The following DAB1 variants were observed in gnomAD, a reference collection of about 807,000 sequenced individuals.
DAB1 encodes disabled homolog 1.
Under a neutral mutation model 64.6 loss-of-function variants are expected in DAB1, and 15 were observed. The ratio of observed to expected loss-of-function variants is 0.23; its 90% CI spans 0.16 to 0.36. The LOEUF (loss-of-function observed/expected upper bound fraction) is 0.36. DAB1 is among the 10% of genes least tolerant of loss of function. The probability of loss-of-function intolerance (pLI) is 1.00; values close to 1 mark genes in which losing one functional copy is unlikely to be tolerated. For missense variants in DAB1, 596 were observed against 706.7 expected (o/e 0.84, Z 1.78); for synonymous variants, 235 against 251.9 (o/e 0.93, Z 0.64).
At chr1:58,334,626 TATATTATATC>T (rs1354491616) in intron 4 of DAB1, among the ~76,000 whole-genome samples, 63 of 131,642 alleles carry the variant, frequency 4.8e-4, no homozygotes, top group African/African-American at 1.5e-3. Flanking sequence ...TATATTATAT[TATATTATATC>T]ATATCATATC....
intron 7 of DAB1, among the ~76,000 whole-genome samples, chr1:57,511,595 T>C (rs1413640184): frequency 1.3e-5 from 2 of 152,214 alleles, no homozygotes; most frequent in Non-Finnish European, 2.9e-5. Context: ...ATTTCCCTTG[T>C]TTTTTTCTTT....
intron 2 of DAB1, among the ~76,000 whole-genome samples, chr1:58,508,446 G>A (rs1241434499): frequency 6.6e-6 from 1 of 152,138 alleles, no homozygotes; most frequent in Non-Finnish European, 1.5e-5. Context: ...TAGGTGCAAT[G>A]CTTCTGCACC....
At chr1:57,480,070 T>G (rs1643995506) in intron 7 of DAB1, among the ~76,000 whole-genome samples, 1 of 148,576 alleles carries the variant, frequency 6.7e-6, no homozygotes. Flanking sequence ...GAGAATGGCG[T>G]GAACCCGGGA....
chr1:58,336,788 T>C, intron 4 of DAB1, among the ~76,000 whole-genome samples: 1 of 152,154 alleles, frequency 6.6e-6, no homozygotes, highest in East Asian at 1.9e-4. Context: ...TTTGATGCAT[T>C]AGCTCATTGG....
At chr1:57,837,123 C>G (rs1439734890) in intron 1 of DAB1, among the ~76,000 whole-genome samples, 1 of 152,212 alleles carries the variant, frequency 6.6e-6, no homozygotes, top group Non-Finnish European at 1.5e-5. Context: ...CAACAGTAGT[C>G]TCATAATGGG....
At chr1:57,576,025 C>A (rs1262876630) in intron 7 of DAB1, among the ~76,000 whole-genome samples, 1 of 152,098 alleles carries the variant, frequency 6.6e-6, no homozygotes, top group Non-Finnish European at 1.5e-5. Context: ...CAGGCAGTCC[C>A]CAACTTAAAA....
rs1644648359 is a variant in DAB1 at position 58,409,656 on chromosome 1, G to C, written n.258-66253C>G. Among the ~76,000 whole-genome samples, 4 of 152,192 alleles carry C rather than the reference G, an allele frequency of 2.6e-5. 1 individual carries two copies. The South Asian group carries it at 8.3e-4, about 32-fold the overall frequency. On this transcript the variant is annotated intron_variant and non_coding_transcript_variant, in intron 3 of 20. Coordinates refer to the DAB1 transcript ENST00000485760. ...TCATGATTCTATTCCCAGTTACGTGGACTTGGGACCATCCTTCTCCTCTCT... is the reference window on the plus strand; with the variant it reads ...TCATGATTCTATTCCCAGTTACGTGCACTTGGGACCATCCTTCTCCTCTCT...
chr1:57,793,974 G>T (rs1211678497), intron 6 of DAB1, among the ~76,000 whole-genome samples: 1 of 152,160 alleles, frequency 6.6e-6, no homozygotes, highest in Non-Finnish European at 1.5e-5. Flanking sequence ...GGAATGCCCT[G>T]CCAGGAGTGA....
At chr1:58,440,848 A>T (rs1645000275) in intron 3 of DAB1, among the ~76,000 whole-genome samples, 1 of 152,196 alleles carries the variant, frequency 6.6e-6, no homozygotes, top group African/African-American at 2.4e-5. Flanking sequence ...TCAAGTGGAA[A>T]TAATTTCTGG....
chr1:58,488,867 G>T (rs181540128), intron 3 of DAB1, among the ~76,000 whole-genome samples: 1 of 152,214 alleles, frequency 6.6e-6, no homozygotes, highest in South Asian at 2.1e-4. Context: ...TTATCAGTGA[G>T]AACATAACAT....
chr1:58,328,760 C>T (rs921430487), intron 4 of DAB1, among the ~76,000 whole-genome samples: 19 of 152,122 alleles, frequency 1.2e-4, no homozygotes, highest in African/African-American at 2.9e-4. Flanking sequence ...CACCTGCCAC[C>T]GTGCCTGGCT....
intron 4 of DAB1, among the ~76,000 whole-genome samples, chr1:58,210,163 G>A (rs1318962947): frequency 1.3e-5 from 2 of 152,246 alleles, no homozygotes; most frequent in East Asian, 3.9e-4. Context: ...ATACCCTCAA[G>A]ACGTCCGAGA....
intron 4 of DAB1, among the ~76,000 whole-genome samples, chr1:58,326,667 G>A (rs1174644696): frequency 6.6e-6 from 1 of 152,172 alleles, no homozygotes. Flanking sequence ...GGAAACCAAG[G>A]CCCAGAAACT....
At chr1:58,531,207 A>G (rs1646429407) in intron 1 of DAB1, among the ~76,000 whole-genome samples, 1 of 152,180 alleles carries the variant, frequency 6.6e-6, no homozygotes, top group African/African-American at 2.4e-5. Context: ...TTGGATAAAG[A>G]CTAAACACTA....
intron 1 of DAB1, among the ~76,000 whole-genome samples, chr1:57,407,767 AGT>A (rs3991224): frequency 0.055 from 8,064 of 146,924 alleles, 249 homozygotes; most frequent in East Asian, 0.13. Context: ...AGATATCTGA[AGT>A]GTGTGTGTGT....
intron 5 of DAB1, among the ~76,000 whole-genome samples, chr1:58,058,388 G>A (rs1648277043): frequency 6.6e-6 from 1 of 152,164 alleles, no homozygotes; most frequent in Admixed American, 6.5e-5. Flanking sequence ...CCCATTGCAT[G>A]ATTTCAGTTT....
chr1:58,383,165 T>A (rs1234676282), intron 3 of DAB1, among the ~76,000 whole-genome samples: 1 of 151,832 alleles, frequency 6.6e-6, no homozygotes, highest in Non-Finnish European at 1.5e-5. Flanking sequence ...ACATTAGATC[T>A]GTTAGTGAGC....
intron 5 of DAB1, among the ~76,000 whole-genome samples, chr1:58,117,049 A>C (rs1652381029): frequency 6.6e-6 from 1 of 152,204 alleles, no homozygotes; most frequent in South Asian, 2.1e-4. Context: ...TTTGCTCCTC[A>C]AAAATGCTCT....
At chr1:57,286,456 G>A (rs1034815452) in intron 2 of DAB1, among the ~76,000 whole-genome samples, 1 of 152,144 alleles carries the variant, frequency 6.6e-6, no homozygotes, top group East Asian at 1.9e-4. Flanking sequence ...TGTATGAAGA[G>A]TATGATGTCA....
Sources: allele counts gnomAD v4.1 joint callset (sites outside exome capture counted in the v4.1 genomes callset), GRCh38; gene constraint gnomAD v4.1.1; transcripts MANE v1.5; gene names NCBI Gene and HGNC (gene_info 2026-07-23, HGNC 2026-07-21).